TLN2: variants seen among roughly 807,000 people sequenced by gnomAD.
TLN2 encodes the protein talin-2.
A neutral mutation model predicts 294.7 loss-of-function variants in TLN2; 118 were observed. That is an observed-to-expected ratio of 0.40 (90% CI 0.34 to 0.47). The LOEUF is 0.47. TLN2 is among the 20% of genes least tolerant of loss of function. The pLI is 0.84. For missense variants in TLN2, 3,083 were observed against 3,282.2 expected (o/e 0.94, Z 1.48); for synonymous variants, 1,431 against 1,304.5 (o/e 1.10, Z -2.09).
chr15:62,616,177 G>A (rs2048303409), intron 2 of TLN2, among the ~76,000 whole-genome samples: 1 of 151,896 alleles, frequency 6.6e-6, no homozygotes, highest in South Asian at 2.1e-4. Context: ...ATTTTCTCTT[G>A]TGAAACCTCT....
At chr15:62,405,551 A>G (rs890100455) in intron 1 of TLN2, among the ~76,000 whole-genome samples, 5 of 152,126 alleles carry the variant, frequency 3.3e-5, no homozygotes, top group Admixed American at 3.3e-4. Flanking sequence ...ATTTTCTGGC[A>G]TTTTCCCAAT....
At chr15:62,488,509 G>T (rs1261259209) in intron 1 of TLN2, among the ~76,000 whole-genome samples, 1 of 152,232 alleles carries the variant, frequency 6.6e-6, no homozygotes, top group Non-Finnish European at 1.5e-5. Flanking sequence ...GCAGGATCCA[G>T]TGGGACTACA....
At chr15:62,640,711 TCATCCTCA>T (rs1415548248) in intron 3 of TLN2, among the ~76,000 whole-genome samples, 4 of 152,188 alleles carry the variant, frequency 2.6e-5, no homozygotes, top group Non-Finnish European at 5.9e-5. Flanking sequence ...GCCTCACAGC[TCATCCTCA>T]GAAAGTTCTG....
intron 8 of TLN2, among the ~76,000 whole-genome samples, chr15:62,656,315 G>A (rs2053206433): frequency 6.6e-6 from 1 of 152,306 alleles, no homozygotes; most frequent in Admixed American, 6.5e-5. Context: ...CCCAGATTGT[G>A]TCCTGGTAGC....
intron 28 of TLN2, among the ~76,000 whole-genome samples, chr15:62,730,935 A>G (rs1258618390): frequency 6.6e-6 from 1 of 152,170 alleles, no homozygotes; most frequent in Non-Finnish European, 1.5e-5. Flanking sequence ...CTCTTATGCT[A>G]AATCATTTCA....
chr15:62,467,268 G>C (rs1440257193), intron 1 of TLN2, among the ~76,000 whole-genome samples: 3 of 152,210 alleles, frequency 2.0e-5, no homozygotes, highest in Non-Finnish European at 4.4e-5. Flanking sequence ...AGGAGAAGGA[G>C]AGAGACAAAA....
At chr15:62,458,391 A>G (rs1374251834) in intron 1 of TLN2, among the ~76,000 whole-genome samples, 1 of 152,056 alleles carries the variant, frequency 6.6e-6, no homozygotes, top group Admixed American at 6.5e-5. Context: ...GTGCCTTTCC[A>G]ATTTCTCATT....
At chr15:62,728,441 T>C (rs771744032) in intron 28 of TLN2, among the ~76,000 whole-genome samples, 10 of 152,208 alleles carry the variant, frequency 6.6e-5, no homozygotes, top group Non-Finnish European at 8.8e-5. Context: ...TTAGTGAACA[T>C]AGTAAGCATT....
At chr15:62,633,206 G>T (rs1347389245) in intron 3 of TLN2, among the ~76,000 whole-genome samples, 1 of 152,170 alleles carries the variant, frequency 6.6e-6, no homozygotes, top group Non-Finnish European at 1.5e-5. Flanking sequence ...TCCTGCTCCT[G>T]TCACTTGCTA....
intron 46 of TLN2, among the ~76,000 whole-genome samples, chr15:62,795,844 T>A (rs1189832117): frequency 6.6e-6 from 1 of 152,222 alleles, no homozygotes; most frequent in Non-Finnish European, 1.5e-5. Flanking sequence ...GATATTTTTC[T>A]TCCTACTTAA....
intron 1 of TLN2, among the ~76,000 whole-genome samples, chr15:62,488,670 TA>T (rs1331315706): frequency 6.6e-6 from 1 of 152,228 alleles, no homozygotes; most frequent in African/African-American, 2.4e-5. Context: ...GGAAAGCCTT[TA>T]TAATGTAATA....
At chr15:62,672,799 G>C (rs990784637) in intron 9 of TLN2, among the ~76,000 whole-genome samples, 1 of 151,922 alleles carries the variant, frequency 6.6e-6, no homozygotes, top group Admixed American at 6.6e-5. Flanking sequence ...GTGTCGGGGG[G>C]TTGCCACCAG....
chr15:62,771,054 G>A lies in TLN2; in HGVS notation c.5287G>A (p.Val1763Met). ...TCTTGATCATCAGCAGCAGATGACG[G>A]TGCTGGACCAGACCAAGACTCTCGC... ...KILDHQQQMT[V>M]LDQTKTLAES... Residue 1763 changes from valine (V) to methionine (M), a missense_variant, in exon 42 of 59, where the codon GTG (valine) becomes ATG (methionine). By Grantham distance (21) the Val-to-Met change is conservative. Coordinates refer to ENST00000636159, the MANE Select transcript of TLN2 (RefSeq NM_015059.3). 6.2e-7 allele frequency: 1 copy of A among 1,613,904 alleles called. No individual in the cohort carries two copies. Among genetic ancestry groups the A allele is most frequent in the South Asian group, 1.1e-5 (1 of 91,028 alleles).
At chr15:62,772,228 A>G (rs1376860634) in intron 42 of TLN2, among the ~76,000 whole-genome samples, 1 of 152,162 alleles carries the variant, frequency 6.6e-6, no homozygotes, top group Non-Finnish European at 1.5e-5. Context: ...AGTACCTGGA[A>G]TTATAGGTGC....
chr15:62,442,361 G>T lies in TLN2; in HGVS notation c.-238+51676G>T, dbSNP rs113745965. 5.3e-3 allele frequency among the ~76,000 whole-genome samples: 805 copies of T among 151,952 alleles called. 6 individuals carry two copies. The highest frequency in any genetic ancestry group is 0.018 in the African/African-American group (754 of 41,422). Reference sequence around the variant, plus strand: ...AGTACAAAAATTAGCTGGTGTGGTGGTGCGTGCCTGTAATCCCAGCTACTC... The same window carrying T: ...AGTACAAAAATTAGCTGGTGTGGTGTTGCGTGCCTGTAATCCCAGCTACTC... On this transcript the variant is annotated intron_variant, in intron 1 of 58. Coordinates refer to ENST00000636159, the MANE Select transcript of TLN2 (RefSeq NM_015059.3).
intron 1 of TLN2, among the ~76,000 whole-genome samples, chr15:62,491,754 T>A (rs1481232550): frequency 6.6e-6 from 1 of 152,224 alleles, no homozygotes; most frequent in East Asian, 1.9e-4. Context: ...TTCATTTTCC[T>A]TTCACAACTC....
intron 3 of TLN2, among the ~76,000 whole-genome samples, chr15:62,619,491 T>G (rs1411735891): frequency 6.6e-6 from 1 of 152,254 alleles, no homozygotes; most frequent in East Asian, 1.9e-4. Flanking sequence ...CATTAACAAC[T>G]GTAGTGGGTT....
intron 3 of TLN2, among the ~76,000 whole-genome samples, chr15:62,646,122 T>TA (rs1336064489): frequency 6.6e-6 from 1 of 152,074 alleles, no homozygotes; most frequent in Non-Finnish European, 1.5e-5. Flanking sequence ...AAACTTAACC[T>TA]AAACCTGTGT....
chr15:62,834,240 T>G (rs1182504700), intron 55 of TLN2: 1 of 152,204 alleles, frequency 6.6e-6, no homozygotes, highest in African/African-American at 2.4e-5. Flanking sequence ...TATGGAACAG[T>G]CTTCCGATTT....
Sources: gnomAD v4.1 joint callset for allele counts (sites outside exome capture counted in the v4.1 genomes callset) on GRCh38, gnomAD v4.1.1 for gene constraint, MANE v1.5 for transcripts, NCBI Gene and HGNC (gene_info 2026-07-23, HGNC 2026-07-21) for gene names.